RELCH: variants seen among roughly 807,000 people sequenced by gnomAD.
RELCH encodes RAB11-binding protein RELCH.
Under a neutral mutation model 150.3 loss-of-function variants are expected in RELCH, and 41 were observed. That is an observed-to-expected ratio of 0.27 (90% CI 0.21 to 0.35). The LOEUF (loss-of-function observed/expected upper bound fraction) is 0.35. RELCH is among the 10% of genes least tolerant of loss of function. The probability of loss-of-function intolerance (pLI) is 1.00; values close to 1 mark genes in which losing one functional copy is unlikely to be tolerated. For synonymous variants in RELCH, 478 were observed against 531.8 expected (o/e 0.90, Z 1.39); for missense variants, 1,092 against 1,467.8 (o/e 0.74, Z 4.18).
chr18:62,244,541 A>G (rs76484880), intron 10 of RELCH, among the ~76,000 whole-genome samples: 2,022 of 152,290 alleles, frequency 0.013, 41 homozygotes, highest in African/African-American at 0.046. Context: ...TTGAATCTTA[A>G]GCAACTTTTG....
At chr18:62,268,843 T>C in intron 19 of RELCH, 26 bp from the exon 20 acceptor site, 1 of 1,227,516 alleles carries the variant, frequency 8.1e-7, no homozygotes, top group South Asian at 1.6e-5. Context: ...TACTTATGTT[T>C]TTTTAAATTA....
At chr18:62,233,281 T>C (rs1288891333) in intron 10 of RELCH, among the ~76,000 whole-genome samples, 4 of 151,948 alleles carry the variant, frequency 2.6e-5, no homozygotes, top group Middle Eastern at 6.8e-3. Flanking sequence ...AAAGAATAAA[T>C]GAAGACAATT....
At chr18:62,258,746 T>C in intron 15 of RELCH, 70 bp downstream of exon 15, 1 of 1,109,372 alleles carries the variant, frequency 9.0e-7, no homozygotes, top group South Asian at 1.6e-5. Context: ...CTTGGAACAA[T>C]GTTAGAGAAC....
Position 62,287,341 on chromosome 18 carries a change from C to G in RELCH, c.3254-10C>G. 1 of 1,411,222 alleles carries G rather than the reference C, an allele frequency of 7.1e-7. No homozygotes were observed. Among genetic ancestry groups the G allele is most frequent in the Non-Finnish European group, 9.9e-7 (1 of 1,005,762 alleles). 87.4% of individuals were successfully genotyped at this position (1,411,222 alleles called of 1,614,324 possible). A position where few individuals can be genotyped will look rare whatever the true frequency, so the allele number is the denominator to read the frequency against. ...GGGTAAAAATTTAACCCTTTTTTTT[C>G]TGTTTTCAGTTGTTATACCACATTT... On this transcript the variant is annotated splice_polypyrimidine_tract_variant and intron_variant, in intron 25 of 28. Coordinates refer to ENST00000644646, the MANE Select transcript of RELCH (RefSeq NM_001346231.2).
rs778010957 is a variant in RELCH, at chr18:62,264,860, C to T, written c.2631+8C>T. ...ATTTTTACAAACACTAAGGTAAAAA[C>T]TTGTATTCCATGTTTTCTTATATGA... On this transcript the variant is annotated splice_region_variant and intron_variant, in intron 18 of 28. Transcript: ENST00000644646. 3.8e-5 allele frequency: 60 copies of T among 1,597,412 alleles called. No homozygotes were observed. The highest frequency in any genetic ancestry group is 5.0e-5 in the Non-Finnish European group (59 of 1,172,490).
At chr18:62,223,649 CT>C (rs2041021206) in intron 5 of RELCH, among the ~76,000 whole-genome samples, 1 of 152,130 alleles carries the variant, frequency 6.6e-6, no homozygotes, top group Admixed American at 6.6e-5. Context: ...GGCTCATTTC[CT>C]TTATTAATAT....
chr18:62,200,762 T>C (rs1463063670), intron 1 of RELCH, among the ~76,000 whole-genome samples: 2 of 151,942 alleles, frequency 1.3e-5, no homozygotes, highest in Non-Finnish European at 2.9e-5. Context: ...ACCTTTGTGG[T>C]TTTACTCTGA....
intron 18 of RELCH, among the ~76,000 whole-genome samples, chr18:62,265,468 C>T (rs77860608): frequency 0.029 from 4,480 of 152,026 alleles, 213 homozygotes; most frequent in African/African-American, 0.1. Context: ...GTCTTCATAA[C>T]ATTTTGTTAA....
intron 5 of RELCH, among the ~76,000 whole-genome samples, chr18:62,224,730 A>G (rs2041105473): frequency 6.6e-6 from 1 of 152,122 alleles, no homozygotes; most frequent in Non-Finnish European, 1.5e-5. Flanking sequence ...TAACATTGAG[A>G]TAAATTAAAG....
In RELCH at chr18:62,268,753, T is replaced by C. The variant is rs9966015; in HGVS notation, c.2681-116T>C. 614 of 504,456 alleles carry C rather than the reference T, an allele frequency of 1.2e-3. 3 individuals carry two copies. The highest frequency in any genetic ancestry group is 0.012 in the African/African-American group (589 of 49,204). 31.2% of individuals were successfully genotyped at this position (504,456 alleles called of 1,614,324 possible). ...AAACATATGTTTTCCAAAGTAATGA[T>C]AATACTTACTTGTAACCTAGTAAAC... On this transcript the variant is annotated intron_variant, in intron 19 of 28. Transcript: ENST00000644646.
intron 19 of RELCH, 50 bp downstream of exon 19, chr18:62,266,799 G>A (rs1465618461): frequency 9.3e-7 from 1 of 1,076,382 alleles, no homozygotes; most frequent in African/African-American, 1.6e-5. Flanking sequence ...TCTTTATGCA[G>A]GAAAAATACT....
At chr18:62,226,275 T>A (rs2148402840) in intron 5 of RELCH, among the ~76,000 whole-genome samples, 1 of 152,234 alleles carries the variant, frequency 6.6e-6, no homozygotes, top group Non-Finnish European at 1.5e-5. Context: ...CTTCTAAAGA[T>A]CTTTCTCTAC....
chr18:62,231,925 G>A (rs980170224), intron 9 of RELCH, among the ~76,000 whole-genome samples: 3 of 151,970 alleles, frequency 2.0e-5, no homozygotes, highest in African/African-American at 7.2e-5. Flanking sequence ...CCTACCCCTT[G>A]TATTTCCAAG....
In RELCH at chr18:62,187,979, TGGG is replaced by T. The variant is rs770868573; in HGVS notation, c.477_479del (p.Gly160del). 5.0e-5 allele frequency: 80 copies of T among 1,599,708 alleles called. No homozygotes were observed. The highest frequency in any genetic ancestry group is 3.3e-4 in the Middle Eastern group (2 of 6,038). On this transcript the variant is annotated inframe_deletion, in exon 1 of 29. Transcript: ENST00000644646. ...CAGGGGTCCCTGGAGCAGCCGGCGTTGGGGGCGCTGGAGGTCGGGAACCGAGTA... is the reference window on the plus strand; with the variant it reads ...CAGGGGTCCCTGGAGCAGCCGGCGTTGGCGCTGGAGGTCGGGAACCGAGTA...
At chr18:62,242,057 T>TA (rs2042175436) in intron 10 of RELCH, among the ~76,000 whole-genome samples, 1 of 152,150 alleles carries the variant, frequency 6.6e-6, no homozygotes, top group Non-Finnish European at 1.5e-5. Flanking sequence ...CTTCCTCACT[T>TA]ACTGGACCTC....
chr18:62,292,223 GCATCACACT>G (rs2045184148), intron 27 of RELCH, among the ~76,000 whole-genome samples: 1 of 152,020 alleles, frequency 6.6e-6, no homozygotes, highest in Admixed American at 6.6e-5. Context: ...CATATTCCCT[GCATCACACT>G]AATCCATTGA....
chr18:62,201,624 A>C (rs1490579638), intron 1 of RELCH, among the ~76,000 whole-genome samples: 1 of 152,210 alleles, frequency 6.6e-6, no homozygotes, highest in Non-Finnish European at 1.5e-5. Context: ...TGTAGTGAAA[A>C]ATGTACTTCT....
At chr18:62,209,588 A>T (rs980203243) in intron 1 of RELCH, among the ~76,000 whole-genome samples, 1 of 151,616 alleles carries the variant, frequency 6.6e-6, no homozygotes, top group South Asian at 2.1e-4. Flanking sequence ...AAGATTGTTC[A>T]GCTATTCTGA....
chr18:62,306,532 C>T lies in RELCH; in HGVS notation c.*998C>T, dbSNP rs867794710. 6.6e-6 allele frequency: 1 copy of T among 152,310 alleles called. No individual in the cohort carries two copies. Among genetic ancestry groups the T allele is most frequent in the African/African-American group, 2.4e-5 (1 of 41,524 alleles). 9.4% of individuals were successfully genotyped at this position (152,310 alleles called of 1,614,324 possible). A position where few individuals can be genotyped will look rare whatever the true frequency, so the allele number is the denominator to read the frequency against. ...AAGGACACTTGGGGGCTACTTTTTT[C>T]CCTCTAAACTAAAAAAGACATTGGC... On this transcript the variant is annotated 3_prime_UTR_variant, in exon 29 of 29. Coordinates refer to ENST00000644646, the MANE Select transcript of RELCH (RefSeq NM_001346231.2).
Sources: gnomAD v4.1 joint callset for allele counts (sites outside exome capture counted in the v4.1 genomes callset) on GRCh38, gnomAD v4.1.1 for gene constraint, MANE v1.5 for transcripts, NCBI Gene and HGNC (gene_info 2026-07-23, HGNC 2026-07-21) for gene names.